Variants in LRRC53 observed in about 807,000 individuals in gnomAD.
LRRC53 encodes leucine-rich repeat-containing protein 53.
A neutral mutation model predicts 13.6 loss-of-function variants in LRRC53; 25 were observed. The observed-to-expected ratio is 1.83, with a 90% CI of 1.34 to 2.56. LRRC53 has a LOEUF of 2.56. LRRC53 is among the 30% of genes most tolerant of loss of function. The pLI is 0.00. For synonymous variants in LRRC53, 204 were observed against 109.8 expected, an observed-to-expected ratio of 1.86 and a Z score of -5.37; for missense variants, 527 against 275.8, an observed-to-expected ratio of 1.91 and a Z score of -6.45.
At chr1:74,532,081 G>T in the LRRC53 span, among the ~76,000 whole-genome samples, 2 of 152,134 alleles carry the variant, frequency 1.3e-5, no homozygotes, top group African/African-American at 4.8e-5. Context: ...GCTCAACATA[G>T]CCCAGGCTGT....
the LRRC53 span, among the ~76,000 whole-genome samples, chr1:74,532,419 G>A: frequency 1.3e-5 from 2 of 151,706 alleles, no homozygotes; most frequent in Non-Finnish European, 2.9e-5. Context: ...CTCCTGAAAT[G>A]GTAACTGAAC....
intron 1 of LRRC53, among the ~76,000 whole-genome samples, chr1:74,496,155 T>A (rs1281526026): frequency 6.6e-6 from 1 of 152,104 alleles, no homozygotes; most frequent in East Asian, 1.9e-4. Context: ...CCAATATACA[T>A]CCAAGTATAA....
chr1:74,516,599 A>G (rs1201046498), upstream of LRRC53, among the ~76,000 whole-genome samples: 2 of 152,118 alleles, frequency 1.3e-5, no homozygotes, highest in East Asian at 3.9e-4. Context: ...GCTGCTTGAG[A>G]CCTGGACCGT....
chr1:74,523,539 C>T, the LRRC53 span, among the ~76,000 whole-genome samples: 21 of 152,196 alleles, frequency 1.4e-4, no homozygotes, highest in East Asian at 1.9e-4. Flanking sequence ...AAGTTATAGG[C>T]TATGCCTGGC....
At chr1:74,487,190 A>G (rs1312931573) in intron 1 of LRRC53, among the ~76,000 whole-genome samples, 2 of 152,170 alleles carry the variant, frequency 1.3e-5, no homozygotes, top group Admixed American at 1.3e-4. Context: ...TAAACAATAC[A>G]GAAGGAACAT....
At chr1:74,503,495 C>T (rs1669738578) in intron 1 of LRRC53, among the ~76,000 whole-genome samples, 1 of 152,100 alleles carries the variant, frequency 6.6e-6, no homozygotes, top group Non-Finnish European at 1.5e-5. Context: ...CTTTCTTACT[C>T]AGTGACACTG....
At chr1:74,504,649 T>C (rs1490301883) in intron 1 of LRRC53, among the ~76,000 whole-genome samples, 6 of 152,088 alleles carry the variant, frequency 3.9e-5, no homozygotes, top group Non-Finnish European at 8.8e-5. Flanking sequence ...AAAAAAAATT[T>C]AAGTACCTGG....
At chr1:74,533,330 A>G in the LRRC53 span, among the ~76,000 whole-genome samples, 9 of 152,232 alleles carry the variant, frequency 5.9e-5, no homozygotes, top group Admixed American at 2.0e-4. Context: ...ATCACTGGCC[A>G]TCAGAGAAAT....
intron 1 of LRRC53, among the ~76,000 whole-genome samples, chr1:74,486,048 T>C (rs1668742263): frequency 6.6e-6 from 1 of 152,142 alleles, no homozygotes; most frequent in Admixed American, 6.6e-5. Flanking sequence ...TTGTTTTAAA[T>C]CACTAGGTTT....
chr1:74,489,112 A>G (rs1197342804), intron 1 of LRRC53: 5 of 1,210,900 alleles, frequency 4.1e-6, no homozygotes, highest in Admixed American at 4.4e-5. Flanking sequence ...ACAAATGCTA[A>G]TACCCAATTT....
chr1:74,495,252 A>G (rs903416101), intron 1 of LRRC53, among the ~76,000 whole-genome samples: 2 of 152,228 alleles, frequency 1.3e-5, no homozygotes, highest in African/African-American at 4.8e-5. Flanking sequence ...TGTTAGTACC[A>G]TTCCTCCGAG....
At chr1:74,486,329 A>C (rs1203141358) in intron 1 of LRRC53, among the ~76,000 whole-genome samples, 2 of 151,258 alleles carry the variant, frequency 1.3e-5, no homozygotes, top group Admixed American at 1.3e-4. Flanking sequence ...GGTAGCTGTC[A>C]TTTACATTTT....
chr1:74,472,664 G>A (rs1667995903), intron 4 of LRRC53, among the ~76,000 whole-genome samples: 5 of 151,944 alleles, frequency 3.3e-5, no homozygotes. Context: ...CAATGAAAGG[G>A]AAATACTTGC....
intron 1 of LRRC53, among the ~76,000 whole-genome samples, chr1:74,494,795 T>A (rs1269754627): frequency 6.6e-6 from 1 of 152,054 alleles, no homozygotes; most frequent in Non-Finnish European, 1.5e-5. Context: ...GATCTTAGAG[T>A]TGTTTTAAGG....
Position 74,483,298 on chromosome 1 carries a change from C to T in LRRC53, c.52G>A (p.Asp18Asn). ...CPESCVVCTK[D>N]VTLCHQLTYI... ...GTTAGCTGGTGACAGAGGGTTACAT[C>T]TTTGGTGCACACCACACATGACTCA... The change falls in exon 2 of 5, where the codon GAT (aspartate) becomes AAT (asparagine). Residue 18 changes from aspartate (D) to asparagine (N), a missense_variant. By Grantham distance (23) the Asp-to-Asn change is conservative (BLOSUM62 1). Transcript: ENST00000294635. 1.4e-6 allele frequency: 1 copy of T among 717,522 alleles called. No individual in the cohort carries two copies. 44.4% of individuals were successfully genotyped at this position (717,522 alleles called of 1,614,324 possible). A position where few individuals can be genotyped will look rare whatever the true frequency, so the allele number is the denominator to read the frequency against.
the LRRC53 span, among the ~76,000 whole-genome samples, chr1:74,528,071 G>A: frequency 2.0e-5 from 3 of 152,300 alleles, no homozygotes; most frequent in East Asian, 3.9e-4. Context: ...CAGGAAGAAC[G>A]TTATGTATGA....
the LRRC53 span, among the ~76,000 whole-genome samples, chr1:74,528,492 T>C: frequency 5.3e-5 from 8 of 152,060 alleles, no homozygotes; most frequent in African/African-American, 1.9e-4. Context: ...GTGTGTGTGT[T>C]GGAGTGGGGA....
rs991458153 is a variant in LRRC53 at position 74,470,468 on chromosome 1, T to G, written c.3154A>C (p.Thr1052Pro). 74 of 400,588 alleles carry G rather than the reference T, an allele frequency of 1.8e-4. 1 individual carries two copies. The Admixed American group carries it at 2.6e-3, about 14-fold the overall frequency. 24.8% of individuals were successfully genotyped at this position (400,588 alleles called of 1,614,324 possible). A position where few individuals can be genotyped will look rare whatever the true frequency, so the allele number is the denominator to read the frequency against. ...TCAATTCCTTTTTCGCTACTATTGGTTAGGTGCCAAACGGCTTGACTACTA... is the reference window on the plus strand; with the variant it reads ...TCAATTCCTTTTTCGCTACTATTGGGTAGGTGCCAAACGGCTTGACTACTA... ...PVSSQAVWHL[T>P]NSSEKGIDST... The change falls in exon 5 of 5, where the codon ACC becomes CCC. Residue 1052 changes from threonine to proline, a missense_variant. Transcript: ENST00000294635.
chr1:74,489,693 A>G (rs188596799), intron 1 of LRRC53, among the ~76,000 whole-genome samples: 2 of 152,274 alleles, frequency 1.3e-5, no homozygotes, highest in African/African-American at 2.4e-5. Flanking sequence ...TTCACACCAC[A>G]TATATGTTGC....
Sources: gnomAD v4.1 joint callset for allele counts (sites outside exome capture counted in the v4.1 genomes callset) on GRCh38, gnomAD v4.1.1 for gene constraint, MANE v1.5 for transcripts, NCBI Gene and HGNC (gene_info 2026-07-23, HGNC 2026-07-21) for gene names.